LAMC3: variants seen among roughly 807,000 people sequenced by gnomAD.
The protein encoded by LAMC3 is laminin subunit gamma 3.
In LAMC3, 128 loss-of-function variants were observed where a neutral mutation model predicts 173.8. The observed-to-expected ratio is 0.74, with a 90% confidence interval of 0.64 to 0.85. The LOEUF (loss-of-function observed/expected upper bound fraction) is 0.85. Ranked by LOEUF, LAMC3 falls within the 40% of genes least tolerant of loss-of-function variation. LAMC3 has a pLI of 0.00. For synonymous variants in LAMC3, 897 were observed against 909.1 expected (o/e 0.99, Z 0.24); for missense variants, 2,022 against 2,156.0 (o/e 0.94, Z 1.23).
chr9:131,061,216 C>T lies in LAMC3; in HGVS notation c.2340C>T (p.Gly780=). 1 of 1,606,412 alleles carries T rather than the reference C, an allele frequency of 6.2e-7. No individual in the cohort carries two copies. The highest frequency in any genetic ancestry group is 8.5e-7 in the Non-Finnish European group (1 of 1,179,260). ...TGGTGTGTACCCACTGCCCCCCGGG[C>T]CAGAGAGGTAAGTGACTCCTGCCCC... ...REVVCTHCPP[G]QRGRRCEVCD... is the part of the protein sequence containing the mutation. The change falls in exon 13 of 28, where the codon GGC becomes GGT. Residue 780 remains glycine (G), a synonymous_variant. Transcript: ENST00000361069.
Position 131,085,665 on chromosome 9 carries a change from C to G in LAMC3, c.4172C>G (p.Ser1391Cys). The change falls in exon 25 of 28, where the codon TCC becomes TGC. Residue 1391 changes from serine to cysteine, a missense_variant. By Grantham distance (112) the Ser-to-Cys change is moderately radical (BLOSUM62 -1). Transcript: ENST00000361069. Reference sequence around the variant, plus strand: ...ATGCTGGGAAACGCGGCCCCTCTTTCCTCCAGTGCCAAGAAGAAGGGCAGA... The same window carrying G: ...ATGCTGGGAAACGCGGCCCCTCTTTGCTCCAGTGCCAAGAAGAAGGGCAGA... ...ERMLGNAAPLSSSAKKKGREA... is the reference protein window; with the variant it reads ...ERMLGNAAPLCSSAKKKGREA... 6.2e-7 allele frequency: 1 copy of G among 1,614,186 alleles called. No homozygotes were observed.
chr9:131,044,320 G>C (rs1257679864), intron 7 of LAMC3, among the ~76,000 whole-genome samples: 2 of 151,402 alleles, frequency 1.3e-5, no homozygotes, highest in Non-Finnish European at 1.5e-5. Context: ...GACCAGCCTG[G>C]CCAACATAGT....
chr9:131,063,825 C>G (rs976747009), intron 13 of LAMC3, among the ~76,000 whole-genome samples: 1 of 152,216 alleles, frequency 6.6e-6, no homozygotes, highest in Non-Finnish European at 1.5e-5. Context: ...AGGTGCTAGC[C>G]TCGACCTTGA....
chr9:131,077,699 A>C (rs1174734516), intron 22 of LAMC3, among the ~76,000 whole-genome samples: 16 of 149,470 alleles, frequency 1.1e-4, no homozygotes, highest in African/African-American at 3.2e-4. Context: ...AAAAAAAAAA[A>C]AAAAAAAAAA....
intron 20 of LAMC3, 88 bp from the exon 21 acceptor site, chr9:131,075,743 G>C: frequency 2.1e-6 from 3 of 1,428,998 alleles, no homozygotes; most frequent in Non-Finnish European, 2.9e-6. Context: ...GGGGCAGCAG[G>C]AGGCCTGTGT....
intron 21 of LAMC3, among the ~76,000 whole-genome samples, 200 bp downstream of exon 21, chr9:131,076,165 T>G (rs913822507): frequency 3.9e-5 from 6 of 152,006 alleles, no homozygotes; most frequent in Non-Finnish European, 8.8e-5. Flanking sequence ...AGTAACCCAC[T>G]TTTGCCTGGG....
At chr9:131,088,523 C>G (rs1830367333) in intron 27 of LAMC3, among the ~76,000 whole-genome samples, 1 of 152,140 alleles carries the variant, frequency 6.6e-6, no homozygotes, top group Admixed American at 6.6e-5. Flanking sequence ...GCTCAGGAGA[C>G]AGCAGACAGG....
intron 1 of LAMC3, among the ~76,000 whole-genome samples, chr9:131,012,228 C>CT (rs899232790): frequency 3.3e-5 from 5 of 152,046 alleles, no homozygotes; most frequent in Non-Finnish European, 7.3e-5. Flanking sequence ...TCAGCATTCT[C>CT]TTTTGCCTGC....
chr9:131,053,005 G>A, intron 11 of LAMC3, 40 bp downstream of exon 11: 1 of 1,459,842 alleles, frequency 6.9e-7, no homozygotes, highest in Non-Finnish European at 9.5e-7. Flanking sequence ...CCGAGTGCTT[G>A]CCAGGTCTCA....
chr9:131,042,231 A>G (rs982135789), intron 7 of LAMC3, among the ~76,000 whole-genome samples: 2 of 151,654 alleles, frequency 1.3e-5, no homozygotes, highest in African/African-American at 4.8e-5. Context: ...TTTCACACCC[A>G]TGACAGACAC....
In LAMC3 at chr9:131,039,016, C is replaced by T. The variant is rs770671723; in HGVS notation, c.1129C>T (p.Arg377Trp). 30 of 1,613,482 alleles carry T rather than the reference C, an allele frequency of 1.9e-5. No individual in the cohort carries two copies. Among genetic ancestry groups the T allele is most frequent in the South Asian group, 7.7e-5 (7 of 91,084 alleles). ...CQENFYHWDP[R>W]MPCQPCDCQS... ...GGAGAATTTCTATCACTGGGACCCG[C>T]GGATGCCATGCCAGCCCTGTGACTG... Residue 377 changes from arginine to tryptophan, a missense_variant, in exon 5 of 28, where the codon CGG (arginine) becomes TGG (tryptophan). Coordinates refer to ENST00000361069, the MANE Select transcript of LAMC3 (RefSeq NM_006059.4).
rs35256167 is a variant in LAMC3, at chr9:131,050,777, GAA to G, written c.1630+1659_1630+1660del. Among the ~76,000 whole-genome samples the G allele has an allele frequency of 3.7e-4, 55 of 148,136 alleles. 1 individual carries two copies. The highest frequency in any genetic ancestry group is 1.1e-3 in the South Asian group (5 of 4,706). On this transcript the variant is annotated intron_variant, in intron 9 of 27. Coordinates refer to ENST00000361069, the MANE Select transcript of LAMC3 (RefSeq NM_006059.4). Reference sequence around the variant, plus strand: ...AGTGAGACTCCATCTCCAAAAAAAGGAAAAAAAAAAAAAGAGTATTTAATGGT... The same window carrying G: ...AGTGAGACTCCATCTCCAAAAAAAGGAAAAAAAAAAAGAGTATTTAATGGT...
chr9:131,078,285 A>G (rs1189123573), intron 22 of LAMC3, among the ~76,000 whole-genome samples: 3 of 152,016 alleles, frequency 2.0e-5, no homozygotes, highest in African/African-American at 7.3e-5. Flanking sequence ...AGATCAGGAG[A>G]TCGAGACCAT....
intron 1 of LAMC3, among the ~76,000 whole-genome samples, chr9:131,010,850 T>C (rs1833403483): frequency 6.6e-6 from 1 of 152,160 alleles, no homozygotes; most frequent in Non-Finnish European, 1.5e-5. Flanking sequence ...CTGCCCCCAC[T>C]GCAGGGAGCT....
In LAMC3 at chr9:131,078,901, C is replaced by T. The variant is rs11791527; in HGVS notation, c.3778-248C>T. Among the ~76,000 whole-genome samples, 70,289 of 152,122 alleles carry T rather than the reference C, an allele frequency of 0.46. 16,357 individuals carry two copies. The highest frequency in any genetic ancestry group is 0.49 in the Non-Finnish European group (33,387 of 67,982). The stretch of plus-strand genomic sequence containing the variant: ...AAGTAAGGGCTTCCCCAGCCTGGCT[C>T]CTCTCGCCCTGGGCCCTCTGCCTCC... On this transcript the variant is annotated intron_variant, in intron 22 of 27. Coordinates refer to ENST00000361069, the MANE Select transcript of LAMC3 (RefSeq NM_006059.4).
intron 9 of LAMC3, among the ~76,000 whole-genome samples, chr9:131,050,841 C>A (rs946354423): frequency 2.0e-5 from 3 of 151,954 alleles, no homozygotes; most frequent in Non-Finnish European, 4.4e-5. Context: ...GCTGGGTAGC[C>A]TGTTGGTGGA....
chr9:131,041,814 C>T (rs1020055305), intron 7 of LAMC3, 79 bp downstream of exon 7: 13 of 1,271,696 alleles, frequency 1.0e-5, no homozygotes, highest in East Asian at 7.2e-5. Flanking sequence ...CTGTGGAGTG[C>T]GGGGAGGAGC....
In LAMC3 at chr9:131,093,364, C is replaced by G. The variant is rs1014028203; in HGVS notation, c.*1577C>G. Reference sequence around the variant, plus strand: ...CTGGTTCAGGCTCGAGACGAACTCACAGCCAAGTGTCCGAGGATGGTGAGG... The same window carrying G: ...CTGGTTCAGGCTCGAGACGAACTCAGAGCCAAGTGTCCGAGGATGGTGAGG... On this transcript the variant is annotated 3_prime_UTR_variant, in exon 28 of 28. Transcript: ENST00000361069. 6.6e-6 allele frequency: 1 copy of G among 151,342 alleles called. No homozygotes were observed. Among genetic ancestry groups the G allele is most frequent in the Non-Finnish European group, 1.5e-5 (1 of 68,010 alleles). The allele number at this position is 151,342 out of a possible 1,614,324, so 9.4% of individuals were successfully genotyped here. A position where few individuals can be genotyped will look rare whatever the true frequency, so the allele number is the denominator to read the frequency against.
chr9:131,029,113 G>A lies in LAMC3; in HGVS notation c.678+2524G>A, dbSNP rs530533783. Among the ~76,000 whole-genome samples, 4 of 152,316 alleles carry A rather than the reference G, an allele frequency of 2.6e-5. No homozygotes were observed. In the South Asian group the frequency reaches 6.2e-4, roughly 24 times the overall value. Reference sequence around the variant, plus strand: ...TCACATCATCCGCATAGACTACCTAGTGTGGCCCAAGGGAAGACCCTCTTA... The same window carrying A: ...TCACATCATCCGCATAGACTACCTAATGTGGCCCAAGGGAAGACCCTCTTA... On this transcript the variant is annotated intron_variant, in intron 2 of 27. Coordinates refer to ENST00000361069, the MANE Select transcript of LAMC3 (RefSeq NM_006059.4). The surrounding 1 kb of genome is among the most constrained non-coding windows in gnomAD (Gnocchi z 4.6).
Sources: allele counts gnomAD v4.1 joint callset (sites outside exome capture counted in the v4.1 genomes callset), GRCh38; gene constraint gnomAD v4.1.1; non-coding constraint Gnocchi (gnomAD v3.1); transcripts MANE v1.5; gene names NCBI Gene and HGNC (gene_info 2026-07-23, HGNC 2026-07-21).